Variants in WTAP observed in about 807,000 individuals in gnomAD.
The protein encoded by WTAP is WT1 associated protein, also known as pre-mRNA-splicing regulator WTAP.
In WTAP, 8 loss-of-function variants were observed where a neutral mutation model predicts 50.0. The observed-to-expected ratio is 0.16, with a 90% CI of 0.09 to 0.29. WTAP has a LOEUF of 0.29. Ranked by LOEUF, WTAP falls within the 10% of genes least tolerant of loss-of-function variation. WTAP has a pLI of 1.00. For missense variants in WTAP, 295 were observed against 470.7 expected, an observed-to-expected ratio of 0.63 and a Z score of 3.45; for synonymous variants, 194 against 169.0, an observed-to-expected ratio of 1.15 and a Z score of -1.15.
chr6:159,744,621 A>T (rs181232217), intron 5 of WTAP, among the ~76,000 whole-genome samples: 1 of 152,342 alleles, frequency 6.6e-6, no homozygotes, highest in Non-Finnish European at 1.5e-5. Flanking sequence ...CCACAAAAGC[A>T]CGTATTTACT....
intron 1 of WTAP, among the ~76,000 whole-genome samples, chr6:159,730,539 AGTT>A: frequency 6.6e-6 from 1 of 152,368 alleles, no homozygotes; most frequent in African/African-American, 2.4e-5. Context: ...TTGACCAAAT[AGTT>A]GAATGTTGTA....
At chr6:159,735,841 C>G (rs1038714641) in intron 1 of WTAP, among the ~76,000 whole-genome samples, 38 of 152,236 alleles carry the variant, frequency 2.5e-4, no homozygotes, top group African/African-American at 8.9e-4. Flanking sequence ...ACTTTAACAA[C>G]ATAATGCTAT....
intron 2 of WTAP, among the ~76,000 whole-genome samples, chr6:159,737,495 T>C (rs1178561860): frequency 1.8e-4 from 28 of 152,114 alleles, no homozygotes; most frequent in Non-Finnish European, 3.8e-4. Flanking sequence ...TTATTTTATT[T>C]TTATTTTTTA....
At chr6:159,727,501 G>A (rs905553549), upstream of WTAP, 1 of 993,232 alleles carries the variant, frequency 1.0e-6, no homozygotes, top group Admixed American at 6.2e-5. Context: ...GCGGGGCCTG[G>A]TTTCCTCCCT....
rs1157741119 is a variant in WTAP at position 159,755,750 on chromosome 6, T to G, written c.*139T>G. 4 of 1,066,948 alleles carry G rather than the reference T, an allele frequency of 3.7e-6. No individual in the cohort carries two copies. Among genetic ancestry groups the G allele is most frequent in the Non-Finnish European group, 3.5e-6 (3 of 846,956 alleles). 66.1% of individuals were successfully genotyped at this position (1,066,948 alleles called of 1,614,324 possible). On this transcript the variant is annotated 3_prime_UTR_variant, in exon 8 of 8. Transcript: ENST00000621533. ...TTTTTTTTGTTGTTTTTTTTCTTTG[T>G]TTTTTTTTTCTTTTCTTTTTTTTTT...
At position 159,750,623 on chromosome 6, in the gene WTAP, G is replaced by GT. The variant is rs1438024723; in HGVS notation, c.452+2263dup. Among the ~76,000 whole-genome samples the GT allele has an allele frequency of 8.0e-5, 12 of 150,846 alleles. No individual in the cohort carries two copies. The South Asian group carries it at 8.4e-4, about 11-fold the overall frequency. On this transcript the variant is annotated intron_variant, in intron 6 of 7. Coordinates refer to ENST00000621533, the MANE Select transcript of WTAP (RefSeq NM_001270531.2). ...CATAAACACAGATGAGTTGCACCTTGTTTTTTTTTACTTGGTCTCTTTGGC... is the reference window on the plus strand; with the variant it reads ...CATAAACACAGATGAGTTGCACCTTGTTTTTTTTTTACTTGGTCTCTTTGGC...
intron 3 of WTAP, 107 bp downstream of exon 3, chr6:159,739,152 C>T: frequency 3.4e-6 from 3 of 885,158 alleles, no homozygotes; most frequent in Middle Eastern, 2.8e-4. Context: ...GTTGTTCTAT[C>T]CTCAAATAAT....
intron 5 of WTAP, among the ~76,000 whole-genome samples, chr6:159,746,785 T>G (rs1476208513): frequency 2.0e-5 from 3 of 152,236 alleles, no homozygotes; most frequent in Non-Finnish European, 2.9e-5. Context: ...AAACTAACTT[T>G]GAAAACACTT....
At chr6:159,736,419 C>T in intron 2 of WTAP, 124 bp downstream of exon 2, 1 of 778,664 alleles carries the variant, frequency 1.3e-6, no homozygotes, top group Non-Finnish European at 2.2e-6. Context: ...ATTTCTTTGC[C>T]TTTATAACAA....
intron 2 of WTAP, among the ~76,000 whole-genome samples, chr6:159,737,201 A>G (rs1778974055): frequency 6.6e-6 from 1 of 151,980 alleles, no homozygotes; most frequent in African/African-American, 2.4e-5. Flanking sequence ...AGTACGTGCC[A>G]CCACGCCCAG....
chr6:159,729,113 A>G lies in WTAP; in HGVS notation c.-9+1410A>G, dbSNP rs147695896. ...AAAGCCCTGTGATGTGGAGATGAGC[A>G]TTGTCACAATTTGTACAGTACATTA... On this transcript the variant is annotated intron_variant, in intron 1 of 7. Coordinates refer to ENST00000621533, the MANE Select transcript of WTAP (RefSeq NM_001270531.2). 4.8e-3 allele frequency among the ~76,000 whole-genome samples: 728 copies of G among 152,296 alleles called. 8 individuals are homozygous for G. Among genetic ancestry groups the G allele is most frequent in the African/African-American group, 0.017 (699 of 41,558 alleles).
chr6:159,726,886 T>TCGCCGCCCACGGCC (rs1778194710), upstream of WTAP: 1 of 1,289,180 alleles, frequency 7.8e-7, no homozygotes, highest in Non-Finnish European at 1.0e-6. Context: ...CGCCCGCGGC[T>TCGCCGCCCACGGCC]CGCCGCCCAC....
intron 1 of WTAP, among the ~76,000 whole-genome samples, chr6:159,732,886 A>ATAGTGTGTGTGTGTGTGTGT (rs146623701): frequency 1.0e-4 from 15 of 146,380 alleles, no homozygotes; most frequent in African/African-American, 3.9e-4. Flanking sequence ...ATATATATAT[A>ATAGTGTGTGTGTGTGTGTGT]GTGTGTGTGT....
At chr6:159,753,791 A>G (rs1779904635) in intron 7 of WTAP, among the ~76,000 whole-genome samples, 177 bp downstream of exon 7, 1 of 151,996 alleles carries the variant, frequency 6.6e-6, no homozygotes, top group Non-Finnish European at 1.5e-5. Flanking sequence ...ATATAATTTT[A>G]GTTTGTTTAT....
chr6:159,727,391 C>CGGGAGGCGGGAGGCG, upstream of WTAP: 1 of 588,606 alleles, frequency 1.7e-6, no homozygotes, highest in Non-Finnish European at 2.3e-6. Flanking sequence ...AGGCGGGAGG[C>CGGGAGGCGGGAGGCG]GGGAGGCGGG....
At chr6:159,739,075 C>CT (rs1779088578) in intron 3 of WTAP, 30 bp downstream of exon 3, 1 of 1,561,366 alleles carries the variant, frequency 6.4e-7, no homozygotes, top group Admixed American at 1.7e-5. Context: ...AAAACAAAGT[C>CT]TTTCTATAGA....
chr6:159,731,765 A>C (rs1433339632), intron 1 of WTAP, among the ~76,000 whole-genome samples: 1 of 152,168 alleles, frequency 6.6e-6, no homozygotes, highest in Non-Finnish European at 1.5e-5. Context: ...ATTCTTTTTG[A>C]GATGGGGAAA....
intron 4 of WTAP, 57 bp from the exon 5 acceptor site, chr6:159,743,606 CAG>C (rs1199421839): frequency 8.7e-6 from 13 of 1,486,428 alleles, no homozygotes; most frequent in Admixed American, 2.1e-5. Context: ...TTGTTCTTGA[CAG>C]AGGTATTTAG....
intron 2 of WTAP, 144 bp from the exon 3 acceptor site, chr6:159,738,844 CTT>C (rs1236148521): frequency 5.2e-5 from 23 of 438,636 alleles, no homozygotes; most frequent in African/African-American, 4.4e-4. Context: ...AAAAAAAAAA[CTT>C]TTGTAATAAA....
Sources: allele counts gnomAD v4.1 joint callset (sites outside exome capture counted in the v4.1 genomes callset), GRCh38; gene constraint gnomAD v4.1.1; transcripts MANE v1.5; gene names NCBI Gene and HGNC (gene_info 2026-07-23, HGNC 2026-07-21).